The following NRG1 variants were observed in gnomAD, a reference collection of about 807,000 sequenced individuals.
The protein encoded by NRG1 is neuregulin 1.
In NRG1, 18 loss-of-function variants were observed where a neutral mutation model predicts 63.8. The ratio of observed to expected loss-of-function variants is 0.28; its 90% CI spans 0.19 to 0.42. The LOEUF (loss-of-function observed/expected upper bound fraction) is 0.42, where lower values mean the gene tolerates loss of function less well. NRG1 is among the 10% of genes least tolerant of loss of function. The pLI, the probability that NRG1 is intolerant of heterozygous loss-of-function variation, is 1.00. For synonymous variants in NRG1, 302 were observed against 301.3 expected, an observed-to-expected ratio of 1.00 and a Z score of -0.02; for missense variants, 762 against 814.7, an observed-to-expected ratio of 0.94 and a Z score of 0.79.
intron 1 of NRG1, among the ~76,000 whole-genome samples, chr8:32,553,443 G>A (rs1834524669): frequency 6.6e-6 from 1 of 152,238 alleles, no homozygotes; most frequent in East Asian, 1.9e-4. Context: ...TGTACTACCT[G>A]TAAAACTAGA....
At chr8:32,101,896 T>G (rs987176075) in intron 1 of NRG1, among the ~76,000 whole-genome samples, 3 of 152,196 alleles carry the variant, frequency 2.0e-5, no homozygotes, top group Admixed American at 2.0e-4. Context: ...GTTGAGGCTT[T>G]CTTGTGATGG....
intron 1 of NRG1, among the ~76,000 whole-genome samples, chr8:32,465,658 G>A (rs1050406868): frequency 1.3e-5 from 2 of 152,134 alleles, no homozygotes; most frequent in Non-Finnish European, 2.9e-5. Flanking sequence ...CTCGAATCCA[G>A]CAGTTATTAT....
chr8:31,647,740 C>G (rs2130861974), intron 1 of NRG1, among the ~76,000 whole-genome samples: 1 of 152,314 alleles, frequency 6.6e-6, no homozygotes, highest in South Asian at 2.1e-4. Context: ...GCCCGGACAC[C>G]TCCGGACAAT....
chr8:31,854,930 G>T (rs1172185038), intron 1 of NRG1, among the ~76,000 whole-genome samples: 1 of 152,172 alleles, frequency 6.6e-6, no homozygotes, highest in African/African-American at 2.4e-5. Context: ...TTTTGAGTGA[G>T]ATTCTTAATC....
intron 1 of NRG1, among the ~76,000 whole-genome samples, chr8:32,021,818 G>A (rs1239686698): frequency 6.6e-6 from 1 of 151,994 alleles, no homozygotes; most frequent in Non-Finnish European, 1.5e-5. Flanking sequence ...ATATTCATTG[G>A]TATTATTTTC....
chr8:32,271,416 G>C (rs986181768), intron 1 of NRG1, among the ~76,000 whole-genome samples: 1 of 152,208 alleles, frequency 6.6e-6, no homozygotes, highest in Non-Finnish European at 1.5e-5. Context: ...TAGAAGAGGA[G>C]AAGAGACTGA....
intron 1 of NRG1, among the ~76,000 whole-genome samples, chr8:32,373,034 G>A (rs1049729712): frequency 2.0e-5 from 3 of 152,178 alleles, no homozygotes; most frequent in Non-Finnish European, 4.4e-5. Context: ...ATTAATCTCC[G>A]TGAGTAGGTG....
rs146057624 is a variant in NRG1, at chr8:31,734,927, C to T, written c.37+95496C>T. Among the ~76,000 whole-genome samples the T allele has an allele frequency of 1.3e-4, 20 of 152,242 alleles. No individual in the cohort carries two copies. The East Asian group carries it at 3.9e-3, about 29-fold the overall frequency. On this transcript the variant is annotated intron_variant, in intron 1 of 10. Coordinates refer to the NRG1 transcript ENST00000519301. ...CCATCCCTATTATGACTCTAAGGGT[C>T]CCATGAAAGATTAGGTCATCTGTGA...
At chr8:32,351,320 AG>A (rs1266616264) in intron 1 of NRG1, among the ~76,000 whole-genome samples, 3 of 152,196 alleles carry the variant, frequency 2.0e-5, no homozygotes, top group African/African-American at 7.2e-5. Context: ...TGAAATGTAC[AG>A]ATGTGTTTCA....
chr8:32,649,630 C>T (rs2466058), intron 5 of NRG1, among the ~76,000 whole-genome samples: 17,332 of 152,132 alleles, frequency 0.11, 1,187 homozygotes, highest in African/African-American at 0.19. Context: ...GTGCAGCATG[C>T]TGTAGAAACA....
At chr8:31,934,420 CT>C (rs1554580265) in intron 1 of NRG1, among the ~76,000 whole-genome samples, 86 of 108,076 alleles carry the variant, frequency 8.0e-4, no homozygotes, top group Middle Eastern at 5.3e-3. Context: ...TATTCGCTCT[CT>C]TTTTTTTTTT....
At chr8:32,404,537 C>T (rs1224192208) in intron 1 of NRG1, among the ~76,000 whole-genome samples, 2 of 151,164 alleles carry the variant, frequency 1.3e-5, no homozygotes, top group Non-Finnish European at 2.9e-5. Flanking sequence ...CTTTTTCATG[C>T]TTCCTCTTTT....
intron 1 of NRG1, among the ~76,000 whole-genome samples, chr8:31,883,376 C>T (rs1699123): frequency 1.4e-3 from 213 of 152,196 alleles, no homozygotes; most frequent in African/African-American, 4.7e-3. Context: ...CCAAAAAATT[C>T]AGGTGACTTG....
chr8:32,606,801 A>G (rs549451719), intron 3 of NRG1, among the ~76,000 whole-genome samples: 2 of 152,254 alleles, frequency 1.3e-5, no homozygotes, highest in African/African-American at 2.4e-5. Context: ...TCTTAAAGTG[A>G]TAAGGTAAAA....
chr8:31,909,777 C>T (rs559845889), intron 1 of NRG1, among the ~76,000 whole-genome samples: 14 of 152,122 alleles, frequency 9.2e-5, no homozygotes, highest in East Asian at 1.9e-4. Context: ...TCCTATCAAG[C>T]GGTGCGTTGT....
At chr8:32,225,441 A>C (rs1283810862) in intron 1 of NRG1, among the ~76,000 whole-genome samples, 1 of 152,168 alleles carries the variant, frequency 6.6e-6, no homozygotes, top group Admixed American at 6.5e-5. Flanking sequence ...AGGAATGCTA[A>C]AACTATTTTA....
intron 1 of NRG1, among the ~76,000 whole-genome samples, chr8:32,032,870 C>T (rs1418870942): frequency 6.6e-6 from 1 of 151,974 alleles, no homozygotes; most frequent in Non-Finnish European, 1.5e-5. Context: ...AATGGTATTG[C>T]CTAGATTTTC....
At chr8:32,394,294 A>G (rs1015871499) in intron 1 of NRG1, among the ~76,000 whole-genome samples, 26 of 152,182 alleles carry the variant, frequency 1.7e-4, no homozygotes, top group African/African-American at 6.0e-4. Flanking sequence ...AGGAGAGACA[A>G]TGCTCTTTAG....
chr8:32,394,970 G>A (rs1312372566), intron 1 of NRG1, among the ~76,000 whole-genome samples: 2 of 152,164 alleles, frequency 1.3e-5, no homozygotes, highest in Admixed American at 1.3e-4. Flanking sequence ...AATCAGTGGT[G>A]AGAAGAATGG....
Sources: allele counts gnomAD v4.1 joint callset (sites outside exome capture counted in the v4.1 genomes callset), GRCh38; gene constraint gnomAD v4.1.1; transcripts MANE v1.5; gene names NCBI Gene and HGNC (gene_info 2026-07-23, HGNC 2026-07-21).